UNKL: variants seen among roughly 807,000 people sequenced by gnomAD.
UNKL encodes the protein unk like zinc finger.
In UNKL, 60 loss-of-function variants were observed where a neutral mutation model predicts 78.0. The ratio of observed to expected loss-of-function variants is 0.77; its 90% CI spans 0.63 to 0.95. The LOEUF (loss-of-function observed/expected upper bound fraction) is 0.95, where lower values mean the gene tolerates loss of function less well. Ranked by LOEUF, UNKL falls within the 40% of genes least tolerant of loss-of-function variation. UNKL has a pLI of 0.00. For synonymous variants in UNKL, 608 were observed against 474.8 expected (o/e 1.28, Z -3.65); for missense variants, 1,159 against 1,045.7 (o/e 1.11, Z -1.49).
rs2036772266 is a variant in UNKL at position 1,385,395 on chromosome 16, G to A, written c.1087-10C>T. On this transcript the variant is annotated splice_polypyrimidine_tract_variant and intron_variant, in intron 9 of 14. Transcript: ENST00000389221. The stretch of plus-strand genomic sequence containing the variant: ...ACACGGCCAGGTGGTTCTGTTCAAA[G>A]ACATAAACACCGTGAGCGCGCACCC... The A allele has an allele frequency of 1.7e-5, 23 of 1,364,688 alleles. No homozygotes were observed. The highest frequency in any genetic ancestry group is 2.2e-5 in the Non-Finnish European group (23 of 1,060,294). 84.5% of individuals were successfully genotyped at this position (1,364,688 alleles called of 1,614,324 possible). A position where few individuals can be genotyped will look rare whatever the true frequency, so the allele number is the denominator to read the frequency against.
At chr16:1,369,028 G>C (rs989993759) in intron 12 of UNKL, among the ~76,000 whole-genome samples, 59 of 147,436 alleles carry the variant, frequency 4.0e-4, no homozygotes, top group African/African-American at 1.4e-3. Context: ...TTACAGGCTT[G>C]AGCCACTATG....
intron 10 of UNKL, among the ~76,000 whole-genome samples, chr16:1,381,241 C>T (rs2036595528): frequency 6.6e-6 from 1 of 152,184 alleles, no homozygotes; most frequent in Non-Finnish European, 1.5e-5. Flanking sequence ...TATTTTTCTG[C>T]TATGCTCAAA....
intron 10 of UNKL, among the ~76,000 whole-genome samples, chr16:1,379,986 G>A (rs549423280): frequency 8.4e-4 from 128 of 152,346 alleles, no homozygotes; most frequent in African/African-American, 3.0e-3. Context: ...CGACCCAACA[G>A]GGGCGCTCGC....
In UNKL at chr16:1,364,591, A is replaced by C. The variant is rs750606983; in HGVS notation, c.*1649T>G. On this transcript the variant is annotated 3_prime_UTR_variant, in exon 15 of 15. Coordinates refer to ENST00000389221, the MANE Select transcript of UNKL (RefSeq NM_001372107.1). ...TCATCGCGGGGATGCGTTCTCAGTC[A>C]CGTTTCTGCTGCGGCCGAAACCACA... 8 of 152,260 alleles carry C rather than the reference A, an allele frequency of 5.3e-5. No homozygotes were observed. The highest frequency in any genetic ancestry group is 1.0e-4 in the Non-Finnish European group (7 of 68,084). The allele number at this position is 152,260 out of a possible 1,614,324, so 9.4% of individuals were successfully genotyped here. A position where few individuals can be genotyped will look rare whatever the true frequency, so the allele number is the denominator to read the frequency against.
rs888989513 is a variant in UNKL, at chr16:1,365,257, G to A, written c.*983C>T. ...ATCCACCCGCCTCCCAAAGTGCTGG[G>A]ATCACAGGCATGAGCCACCGCACCC... On this transcript the variant is annotated 3_prime_UTR_variant, in exon 15 of 15. Transcript: ENST00000389221. 2 of 152,164 alleles carry A rather than the reference G, an allele frequency of 1.3e-5. No homozygotes were observed. The highest frequency in any genetic ancestry group is 2.9e-5 in the Non-Finnish European group (2 of 68,038). The allele number at this position is 152,164 out of a possible 1,614,324, so 9.4% of individuals were successfully genotyped here. A position where few individuals can be genotyped will look rare whatever the true frequency, so the allele number is the denominator to read the frequency against.
intron 7 of UNKL, among the ~76,000 whole-genome samples, chr16:1,393,653 C>T (rs2037141050): frequency 6.6e-6 from 1 of 152,340 alleles, no homozygotes; most frequent in African/African-American, 2.4e-5. Flanking sequence ...CTGAGCAACC[C>T]TGCTTGAGGG....
At chr16:1,414,159 C>G (rs2038173871) in intron 1 of UNKL, 104 bp from the exon 2 acceptor site, 1 of 1,180,582 alleles carries the variant, frequency 8.5e-7, no homozygotes, top group Admixed American at 2.7e-5. Flanking sequence ...AACCCAGGGT[C>G]GACCCGTACT....
chr16:1,406,718 C>G (rs923221753), intron 2 of UNKL, among the ~76,000 whole-genome samples: 1 of 152,180 alleles, frequency 6.6e-6, no homozygotes, highest in African/African-American at 2.4e-5. Context: ...CCAAGCTCAT[C>G]ATGAGATCAG....
At chr16:1,371,650 C>T (rs781738249) in intron 10 of UNKL, 39 bp from the exon 11 acceptor site, 30 of 1,528,598 alleles carry the variant, frequency 2.0e-5, no homozygotes, top group East Asian at 2.4e-5. Flanking sequence ...GCCCACCCAG[C>T]GCTGCAGAGC....
chr16:1,367,789 A>ATGGGGGAGGGGC lies in UNKL; in HGVS notation c.1643_1654dup (p.Ser548_Pro551dup). 6.4e-7 allele frequency: 1 copy of ATGGGGGAGGGGC among 1,564,732 alleles called. No homozygotes were observed. Among genetic ancestry groups the ATGGGGGAGGGGC allele is most frequent in the South Asian group, 1.2e-5 (1 of 85,446 alleles). On this transcript the variant is annotated inframe_insertion, in exon 13 of 15. Transcript: ENST00000389221. Reference sequence around the variant, plus strand: ...AGAGGATGGGGGGCCGGCACTCAGGATGGGGGAGGGGCTGGGGGAGAAGCT... The same window carrying ATGGGGGAGGGGC: ...AGAGGATGGGGGGCCGGCACTCAGGATGGGGGAGGGGCTGGGGGAGGGGCTGGGGGAGAAGCT...
chr16:1,379,646 G>A (rs1355247529), intron 10 of UNKL: 2 of 984,452 alleles, frequency 2.0e-6, no homozygotes, highest in Non-Finnish European at 1.2e-6. Flanking sequence ...GCTGACTCAC[G>A]GTCCGCGGCC....
chr16:1,386,418 G>T (rs1291054254), intron 9 of UNKL, among the ~76,000 whole-genome samples: 1 of 152,140 alleles, frequency 6.6e-6, no homozygotes, highest in Non-Finnish European at 1.5e-5. Context: ...GCCGGGCGTG[G>T]TGGTGGGCGC....
rs2037412256 is a variant in UNKL, at chr16:1,399,349, T to C, written c.734+25A>G. The C allele has an allele frequency of 1.3e-6, 2 of 1,557,162 alleles. No homozygotes were observed. The highest frequency in any genetic ancestry group is 1.2e-5 in the South Asian group (1 of 86,234). ...GAAGGACGCCCACCAGCCGGAGTCC[T>C]CTGAGCACGGTCCCGCAGGCTCACC... On this transcript the variant is annotated intron_variant, in intron 5 of 14. Coordinates refer to ENST00000389221, the MANE Select transcript of UNKL (RefSeq NM_001372107.1). The surrounding 1 kb of genome is among the most constrained non-coding windows in gnomAD (Gnocchi z 5.8).
At chr16:1,401,357 G>A (rs376925759) in intron 4 of UNKL, 6 of 494,282 alleles carry the variant, frequency 1.2e-5, no homozygotes, top group East Asian at 1.0e-4. Flanking sequence ...GAGATTCAGA[G>A]CAGGTGCGGG....
chr16:1,403,178 A>C lies in UNKL; in HGVS notation c.454T>G (p.Cys152Gly), dbSNP rs1242926523. The change falls in exon 3 of 15, where the codon TGT becomes GGT. Residue 152 changes from cysteine (C) to glycine (G), a missense_variant. By Grantham distance (159) the Cys-to-Gly change is radical. Transcript: ENST00000389221. This position sits in a 1 kb window ranked among gnomAD's most constrained non-coding sequence, Gnocchi z 4.8. ...HGPLDLRPPV[C>G]DVRELQAQEA... is the part of the protein sequence containing the mutation. ...TGGATGCCCACTCACCTGACGTCAC[A>C]CACGGGCGGCCGCAGGTCCAGGGGG... 1 of 1,612,106 alleles carries C rather than the reference A, an allele frequency of 6.2e-7. No individual in the cohort carries two copies. The highest frequency in any genetic ancestry group is 8.5e-7 in the Non-Finnish European group (1 of 1,179,198).
intron 10 of UNKL, among the ~76,000 whole-genome samples, chr16:1,376,931 C>T (rs962580161): frequency 6.6e-6 from 1 of 152,114 alleles, no homozygotes; most frequent in East Asian, 1.9e-4. Flanking sequence ...CAGTGGACAG[C>T]GAACCCTGGG....
intron 12 of UNKL, among the ~76,000 whole-genome samples, chr16:1,369,538 T>C (rs905122817): frequency 6.6e-6 from 1 of 152,076 alleles, no homozygotes; most frequent in Non-Finnish European, 1.5e-5. Context: ...CCCGGCTAAT[T>C]TTGTATTTTT....
At chr16:1,369,280 G>A (rs2035581775) in intron 12 of UNKL, among the ~76,000 whole-genome samples, 1 of 151,140 alleles carries the variant, frequency 6.6e-6, no homozygotes, top group African/African-American at 2.4e-5. Context: ...ATGTTGGCCA[G>A]GATGGTCTCG....
chr16:1,398,396 A>T (rs1277523705), intron 5 of UNKL: 16 of 1,026,160 alleles, frequency 1.6e-5, no homozygotes, highest in Non-Finnish European at 1.8e-5. Flanking sequence ...TCTTTCCATG[A>T]CGGGCGATGA....
Sources: gnomAD v4.1 joint callset for allele counts (sites outside exome capture counted in the v4.1 genomes callset) on GRCh38, gnomAD v4.1.1 for gene constraint, Gnocchi (gnomAD v3.1) non-coding constraint, MANE v1.5 for transcripts, NCBI Gene and HGNC (gene_info 2026-07-23, HGNC 2026-07-21) for gene names.